Variants in NFIL3 observed in about 807,000 individuals in gnomAD.
The protein encoded by NFIL3 is nuclear factor, interleukin 3 regulated, also known as nuclear factor interleukin-3-regulated protein.
Under a neutral mutation model 10.0 loss-of-function variants are expected in NFIL3, and 5 were observed. The ratio of observed to expected loss-of-function variants is 0.50; its 90% CI spans 0.26 to 1.06. The LOEUF is 1.06. NFIL3 is among the 50% of genes least tolerant of loss of function. NFIL3 has a pLI of 0.13. For synonymous variants in NFIL3, 202 were observed against 206.5 expected (o/e 0.98, Z 0.19); for missense variants, 436 against 547.6 (o/e 0.80, Z 2.03).
the NFIL3 span, among the ~76,000 whole-genome samples, chr9:91,454,021 T>C: frequency 6.6e-6 from 1 of 151,308 alleles, no homozygotes; most frequent in Non-Finnish European, 1.5e-5. Context: ...TCACTTGAGG[T>C]CAGGAGTTTG....
chr9:91,436,723 TAGA>T, the NFIL3 span, among the ~76,000 whole-genome samples: 9 of 152,214 alleles, frequency 5.9e-5, no homozygotes, highest in South Asian at 2.1e-4. Flanking sequence ...GGAAAATTAA[TAGA>T]AGATCTTCAA....
the NFIL3 span, among the ~76,000 whole-genome samples, chr9:91,438,294 C>A: frequency 6.6e-6 from 1 of 151,962 alleles, no homozygotes; most frequent in African/African-American, 2.4e-5. Flanking sequence ...ATTTGTTGGC[C>A]GTTTTTCATA....
At chr9:91,461,647 T>C in the NFIL3 span, among the ~76,000 whole-genome samples, 1 of 152,186 alleles carries the variant, frequency 6.6e-6, no homozygotes, top group South Asian at 2.1e-4. Flanking sequence ...GTCTCTCCAA[T>C]CTCTGCCTCC....
rs930424604 is a variant in NFIL3 at position 91,409,248 on chromosome 9, G to C, written c.*98C>G. The C allele has an allele frequency of 8.9e-7, 1 of 1,123,362 alleles. No homozygotes were observed. Among genetic ancestry groups the C allele is most frequent in the African/African-American group, 1.6e-5 (1 of 64,220 alleles). The allele number at this position is 1,123,362 out of a possible 1,614,324, so 69.6% of individuals were successfully genotyped here. ...CAACATGTGCACATCACAGTGAAAT[G>C]ACATCACAGGTCCAGTGAAAATTCA... On this transcript the variant is annotated 3_prime_UTR_variant, in exon 2 of 2. Transcript: ENST00000297689.
the NFIL3 span, among the ~76,000 whole-genome samples, chr9:91,454,435 A>G: frequency 6.6e-6 from 1 of 152,124 alleles, no homozygotes; most frequent in Non-Finnish European, 1.5e-5. Flanking sequence ...AAAAAATGCT[A>G]CAGTAAAACC....
At chr9:91,479,710 A>G in the NFIL3 span, among the ~76,000 whole-genome samples, 4,610 of 152,236 alleles carry the variant, frequency 0.03, 100 homozygotes, top group East Asian at 0.093. Context: ...AAAAGAAAAA[A>G]TCCTGCAGCT....
chr9:91,475,554 C>T, the NFIL3 span, among the ~76,000 whole-genome samples: 1 of 151,608 alleles, frequency 6.6e-6, no homozygotes. Context: ...TATTGGAACA[C>T]AAAGAAAGAC....
rs1833526508 is a variant in NFIL3, at chr9:91,410,553, C to T, written c.182G>A (p.Arg61Gln). 6.2e-7 allele frequency: 1 copy of T among 1,614,068 alleles called. No homozygotes were observed. The highest frequency in any genetic ancestry group is 1.7e-5 in the Admixed American group (1 of 60,004). The part of the protein sequence containing the change: ...SVGKNKSSAC[R>Q]RKREFIPDEK... ...ATCAGGAATGAATTCCCGTTTCCTC[C>T]GACATGCAGAAGATTTGTTCTTCCC... is the stretch of plus-strand genomic sequence containing the variant. The change falls in exon 2 of 2, where the codon CGG becomes CAG. Residue 61 changes from arginine to glutamine, a missense_variant. By Grantham distance (43) the Arg-to-Gln change is conservative (BLOSUM62 1). Coordinates refer to ENST00000297689, the MANE Select transcript of NFIL3 (RefSeq NM_005384.3). This position sits in a 1 kb window ranked among gnomAD's most constrained non-coding sequence, Gnocchi z 5.7.
the NFIL3 span, among the ~76,000 whole-genome samples, chr9:91,483,322 T>G: frequency 6.6e-6 from 1 of 152,146 alleles, no homozygotes; most frequent in African/African-American, 2.4e-5. Flanking sequence ...GAAAATAGAA[T>G]CTGGGAAACT....
chr9:91,457,764 G>A, the NFIL3 span, among the ~76,000 whole-genome samples: 1 of 151,980 alleles, frequency 6.6e-6, no homozygotes, highest in Non-Finnish European at 1.5e-5. Context: ...TAATTTGGGG[G>A]AAAATATTTA....
chr9:91,434,314 T>C, the NFIL3 span, among the ~76,000 whole-genome samples: 1 of 152,110 alleles, frequency 6.6e-6, no homozygotes, highest in African/African-American at 2.4e-5. Context: ...ACATGTTTCT[T>C]CAGCTTTCAA....
upstream of NFIL3, among the ~76,000 whole-genome samples, chr9:91,427,595 T>G (rs35478700): frequency 2.8e-3 from 426 of 151,322 alleles, 2 homozygotes; most frequent in Middle Eastern, 0.01. Context: ...AAGTTCAGTT[T>G]CTGGGAATCC....
chr9:91,478,108 A>T, the NFIL3 span, among the ~76,000 whole-genome samples: 1 of 152,114 alleles, frequency 6.6e-6, no homozygotes, highest in Non-Finnish European at 1.5e-5. Context: ...AACCTTGGTG[A>T]ATCTGATGAT....
the NFIL3 span, among the ~76,000 whole-genome samples, chr9:91,434,180 T>G: frequency 6.6e-6 from 1 of 152,180 alleles, no homozygotes; most frequent in African/African-American, 2.4e-5. Context: ...TTTGGGAGGC[T>G]GAGGCATGAG....
chr9:91,482,432 GTGATGATGATGA>G, the NFIL3 span, among the ~76,000 whole-genome samples: 2 of 150,544 alleles, frequency 1.3e-5, no homozygotes, highest in South Asian at 2.1e-4. Flanking sequence ...CCAGGGCTGG[GTGATGATGATGA>G]TGATGATGAT....
At chr9:91,483,009 T>A in the NFIL3 span, among the ~76,000 whole-genome samples, 2 of 152,144 alleles carry the variant, frequency 1.3e-5, no homozygotes, top group African/African-American at 4.8e-5. Context: ...TTCCACAACA[T>A]CCCTGGCTAG....
the NFIL3 span, among the ~76,000 whole-genome samples, chr9:91,429,936 G>A: frequency 3.3e-5 from 5 of 151,924 alleles, no homozygotes; most frequent in Admixed American, 1.3e-4. Context: ...TACTTTTCTC[G>A]TCTGCTGTGT....
the NFIL3 span, among the ~76,000 whole-genome samples, chr9:91,431,891 C>G: frequency 6.6e-6 from 1 of 152,140 alleles, no homozygotes; most frequent in African/African-American, 2.4e-5. Flanking sequence ...TCCTGGATCC[C>G]CTTTGCCTCA....
At chr9:91,482,195 A>T in the NFIL3 span, among the ~76,000 whole-genome samples, 3 of 152,214 alleles carry the variant, frequency 2.0e-5, no homozygotes, top group Non-Finnish European at 4.4e-5. Flanking sequence ...GTACTTGAGG[A>T]TGTCTATTGC....
Sources: allele counts gnomAD v4.1 joint callset (sites outside exome capture counted in the v4.1 genomes callset), GRCh38; gene constraint gnomAD v4.1.1; non-coding constraint Gnocchi (gnomAD v3.1); transcripts MANE v1.5; gene names NCBI Gene and HGNC (gene_info 2026-07-23, HGNC 2026-07-21).